The following ABCD2 variants were observed in gnomAD, a reference collection of about 807,000 sequenced individuals.
ABCD2 encodes the protein ATP binding cassette subfamily D member 2.
ABCD2 carries 36 observed loss-of-function variants against 70.9 expected under a neutral mutation model. The ratio of observed to expected loss-of-function variants is 0.51; its 90% CI spans 0.39 to 0.67. ABCD2 has a LOEUF of 0.67. ABCD2 is among the 30% of genes least tolerant of loss of function. ABCD2 has a pLI of 0.00. For synonymous variants in ABCD2, 304 were observed against 306.9 expected (o/e 0.99, Z 0.10); for missense variants, 729 against 890.2 (o/e 0.82, Z 2.30).
At chr12:39,610,548 T>G (rs895921011) in intron 2 of ABCD2, among the ~76,000 whole-genome samples, 1 of 152,224 alleles carries the variant, frequency 6.6e-6, no homozygotes, top group Admixed American at 6.5e-5. Flanking sequence ...TAGTTTTGGC[T>G]CATAGAAAAT....
chr12:39,616,134 A>G (rs907057527), intron 2 of ABCD2, among the ~76,000 whole-genome samples: 1 of 152,198 alleles, frequency 6.6e-6, no homozygotes, highest in African/African-American at 2.4e-5. Context: ...CTGTTTCACT[A>G]CAAAGCCTAT....
chr12:39,560,619 T>C (rs183454018), intron 9 of ABCD2, among the ~76,000 whole-genome samples: 89 of 152,204 alleles, frequency 5.8e-4, no homozygotes, highest in African/African-American at 2.1e-3. Flanking sequence ...GCAATTTGTA[T>C]ATACTTTAAC....
At chr12:39,536,987 A>G in the ABCD2 span, among the ~76,000 whole-genome samples, 1 of 151,948 alleles carries the variant, frequency 6.6e-6, no homozygotes, top group Non-Finnish European at 1.5e-5. Context: ...CTCCATTACC[A>G]AATGTGCCTA....
intron 9 of ABCD2, among the ~76,000 whole-genome samples, chr12:39,566,069 G>A (rs1261525756): frequency 1.3e-5 from 2 of 152,164 alleles, no homozygotes; most frequent in Non-Finnish European, 2.9e-5. Context: ...ATGTTCATCT[G>A]GGATATTGGT....
chr12:39,555,261 A>G (rs188757746), intron 9 of ABCD2, among the ~76,000 whole-genome samples: 2 of 152,258 alleles, frequency 1.3e-5, no homozygotes, highest in Admixed American at 1.3e-4. Context: ...TCTCTATTAT[A>G]GACATTTCAT....
chr12:39,578,398 C>T (rs1257749864), intron 8 of ABCD2, among the ~76,000 whole-genome samples: 8 of 147,946 alleles, frequency 5.4e-5, no homozygotes, highest in South Asian at 2.1e-4. Flanking sequence ...GACGTGAACC[C>T]GGGAGGCGGA....
At position 39,573,841 on chromosome 12, in the gene ABCD2, T is replaced by C; in HGVS notation, c.1878A>G (p.Lys626=). Residue 626 remains lysine, a splice_region_variant and synonymous_variant, in exon 9 of 10, where the codon AAA becomes AAG. Coordinates refer to ENST00000308666, the MANE Select transcript of ABCD2 (RefSeq NM_005164.4). ...ATTCATCCAGCAAGGCATATTTTGG[T>C]CTTTTAAAAAGTACACACAAAAATT... ...RMGMARMFYH[K]PKYALLDECT... 1.9e-6 allele frequency: 3 copies of C among 1,609,252 alleles called. No homozygotes were observed. Among genetic ancestry groups the C allele is most frequent in the Non-Finnish European group, 2.5e-6 (3 of 1,177,812 alleles).
chr12:39,587,661 G>C (rs1351768161), intron 6 of ABCD2, among the ~76,000 whole-genome samples: 2 of 152,176 alleles, frequency 1.3e-5, no homozygotes, highest in Non-Finnish European at 2.9e-5. Flanking sequence ...AGGTGGAATG[G>C]ATAGGCAGGA....
chr12:39,535,459 G>A, the ABCD2 span, among the ~76,000 whole-genome samples: 2 of 152,082 alleles, frequency 1.3e-5, no homozygotes, highest in Non-Finnish European at 2.9e-5. Flanking sequence ...ATCTCCATTA[G>A]TATCAAAGGT....
At position 39,612,333 on chromosome 12, in the gene ABCD2, C is replaced by A. The variant is rs555639974; in HGVS notation, c.1121-4619G>T. ...CAAACTGGATACAATCTAATGTCTGCTAACAACAGAATGGTTAAATAAAAT... is the reference window on the plus strand; with the variant it reads ...CAAACTGGATACAATCTAATGTCTGATAACAACAGAATGGTTAAATAAAAT... On this transcript the variant is annotated intron_variant, in intron 2 of 9. Transcript: ENST00000308666. 1.3e-5 allele frequency among the ~76,000 whole-genome samples: 2 copies of A among 152,206 alleles called. 1 individual carries two copies. The highest frequency in any genetic ancestry group is 4.8e-5 in the African/African-American group (2 of 41,534).
chr12:39,594,347 T>TCA (rs1941785753), intron 6 of ABCD2, among the ~76,000 whole-genome samples: 2 of 134,512 alleles, frequency 1.5e-5, no homozygotes, highest in African/African-American at 7.5e-5. Flanking sequence ...AATAAGAAAC[T>TCA]TATATATGTA....
At chr12:39,586,571 A>G (rs921573190) in intron 6 of ABCD2, among the ~76,000 whole-genome samples, 3 of 152,100 alleles carry the variant, frequency 2.0e-5, no homozygotes, top group Non-Finnish European at 4.4e-5. Flanking sequence ...TTTATTTTAT[A>G]TTTTGTAGAG....
chr12:39,600,677 C>T lies in ABCD2; in HGVS notation c.1540G>A (p.Gly514Ser), dbSNP rs1941884804. Residue 514 changes from glycine to serine, a missense_variant, in exon 6 of 10, where the codon GGT becomes AGT. This residue lies in a region of ABCD2 where 289 missense variants were observed against 328.8 expected (regional missense o/e 0.88). Transcript: ENST00000308666. ...GMHLLITGPN[G>S]CGKSSLFRIL... is the part of the protein sequence containing the mutation. ...CTGAAGAGAGAACTTTTCCCACAACCATTGGGACCAGTTATCAAAAGATGC... is the reference window on the plus strand; with the variant it reads ...CTGAAGAGAGAACTTTTCCCACAACTATTGGGACCAGTTATCAAAAGATGC... 1 of 1,612,008 alleles carries T rather than the reference C, an allele frequency of 6.2e-7. No homozygotes were observed. The highest frequency in any genetic ancestry group is 8.5e-7 in the Non-Finnish European group (1 of 1,179,002).
At position 39,588,771 on chromosome 12, in the gene ABCD2, C is replaced by G. The variant is rs1476476516; in HGVS notation, c.1647-2474G>C. ...GAGGTGTTCTCTTAAAAAAAAAAAGCAATAGTCTGGCATTCTTTAAAAATA... is the reference window on the plus strand; with the variant it reads ...GAGGTGTTCTCTTAAAAAAAAAAAGGAATAGTCTGGCATTCTTTAAAAATA... On this transcript the variant is annotated intron_variant, in intron 6 of 9. Transcript: ENST00000308666. Among the ~76,000 whole-genome samples, 3 of 150,026 alleles carry G rather than the reference C, an allele frequency of 2.0e-5. No individual in the cohort carries two copies. The East Asian group carries it at 5.8e-4, about 29-fold the overall frequency.
intron 5 of ABCD2, among the ~76,000 whole-genome samples, chr12:39,601,945 A>AT (rs1448700149): frequency 2.0e-5 from 3 of 151,858 alleles, no homozygotes; most frequent in Non-Finnish European, 4.4e-5. Context: ...ACATTGGCAA[A>AT]ATATTTCAAT....
chr12:39,544,807 T>C, the ABCD2 span, among the ~76,000 whole-genome samples: 5 of 152,316 alleles, frequency 3.3e-5, no homozygotes, highest in East Asian at 9.7e-4. Flanking sequence ...CTGAGTGTAC[T>C]CATGCAGGCC....
At chr12:39,538,481 T>C in the ABCD2 span, among the ~76,000 whole-genome samples, 1 of 152,178 alleles carries the variant, frequency 6.6e-6, no homozygotes, top group Non-Finnish European at 1.5e-5. Context: ...TCAAGGAATC[T>C]CTGCTTTTGT....
intron 2 of ABCD2, among the ~76,000 whole-genome samples, chr12:39,615,212 T>A (rs1942099578): frequency 6.6e-6 from 1 of 152,004 alleles, no homozygotes; most frequent in Non-Finnish European, 1.5e-5. Context: ...GGTTTTTTAA[T>A]AACACCAGTG....
intron 6 of ABCD2, among the ~76,000 whole-genome samples, chr12:39,588,027 G>C (rs190707597): frequency 5.8e-4 from 89 of 152,274 alleles, no homozygotes; most frequent in African/African-American, 2.1e-3. Context: ...TGTAGGATTG[G>C]TTACGTAAGT....
Sources: allele counts gnomAD v4.1 joint callset (sites outside exome capture counted in the v4.1 genomes callset), GRCh38; gene constraint gnomAD v4.1.1; regional missense constraint gnomAD v4.1.1; transcripts MANE v1.5; gene names NCBI Gene and HGNC (gene_info 2026-07-23, HGNC 2026-07-21).